Variants in RARB observed in about 807,000 individuals in gnomAD.
The protein encoded by RARB is retinoic acid receptor beta.
RARB carries 17 observed loss-of-function variants against 51.9 expected under a neutral mutation model. The ratio of observed to expected loss-of-function variants is 0.33; its 90% confidence interval spans 0.22 to 0.49. The LOEUF is 0.49. Ranked by LOEUF, RARB falls within the 20% of genes least tolerant of loss-of-function variation. The pLI is 0.99. For missense variants in RARB, 369 were observed against 550.8 expected (o/e 0.67, Z 3.30); for synonymous variants, 215 against 195.4 (o/e 1.10, Z -0.84).
At chr3:24,967,335 C>T (rs1575096053) in intron 2 of RARB, among the ~76,000 whole-genome samples, 1 of 152,146 alleles carries the variant, frequency 6.6e-6, no homozygotes, top group African/African-American at 2.4e-5. Context: ...CAGATTATCT[C>T]TCAAGGCTAC....
chr3:25,339,488 G>C (rs767707181), intron 5 of RARB, among the ~76,000 whole-genome samples: 1 of 152,054 alleles, frequency 6.6e-6, no homozygotes, highest in African/African-American at 2.4e-5. Context: ...GTGGCTGCGC[G>C]GGAGTCTCTG....
At chr3:24,868,828 A>G (rs1368708293) in intron 2 of RARB, among the ~76,000 whole-genome samples, 3 of 152,146 alleles carry the variant, frequency 2.0e-5, no homozygotes, top group African/African-American at 7.2e-5. Flanking sequence ...TCTACCCATG[A>G]CCTGGAAGTC....
intron 3 of RARB, among the ~76,000 whole-genome samples, chr3:25,085,086 C>T (rs1011791360): frequency 3.9e-5 from 6 of 152,100 alleles, no homozygotes; most frequent in Admixed American, 2.6e-4. Flanking sequence ...CAGTATAAGA[C>T]ATGCATCATT....
chr3:25,207,212 T>C (rs1202217972), intron 5 of RARB, among the ~76,000 whole-genome samples: 2 of 152,190 alleles, frequency 1.3e-5, no homozygotes, highest in Non-Finnish European at 2.9e-5. Flanking sequence ...GGAGATATAG[T>C]TCCAACTCAG....
chr3:25,485,606 A>G (rs1483811102), intron 2 of RARB, among the ~76,000 whole-genome samples: 1 of 152,266 alleles, frequency 6.6e-6, no homozygotes, highest in Admixed American at 6.5e-5. Context: ...GTATTAAATT[A>G]TATTCATTAC....
chr3:25,146,569 G>A (rs1048472495), intron 4 of RARB, among the ~76,000 whole-genome samples: 1 of 145,492 alleles, frequency 6.9e-6, no homozygotes, highest in Non-Finnish European at 1.5e-5. Flanking sequence ...GTGCAATGGC[G>A]CGATCTCGGC....
intron 5 of RARB, among the ~76,000 whole-genome samples, chr3:25,339,912 A>G (rs1347408534): frequency 6.6e-6 from 1 of 152,190 alleles, no homozygotes; most frequent in Non-Finnish European, 1.5e-5. Context: ...TGCAGTTTTT[A>G]TATTGCAATT....
At chr3:25,143,143 C>A (rs1320082796) in intron 4 of RARB, among the ~76,000 whole-genome samples, 1 of 152,050 alleles carries the variant, frequency 6.6e-6, no homozygotes, top group Non-Finnish European at 1.5e-5. Context: ...TTTTGCCATT[C>A]AGGAGCCTGT....
chr3:24,844,281 C>G (rs916841777), intron 1 of RARB, among the ~76,000 whole-genome samples: 7 of 152,118 alleles, frequency 4.6e-5, no homozygotes, highest in Non-Finnish European at 8.8e-5. Context: ...CCTGGGAGCA[C>G]TTTTTTTTCT....
chr3:24,848,417 T>G (rs1000594679), intron 1 of RARB, among the ~76,000 whole-genome samples: 1 of 152,188 alleles, frequency 6.6e-6, no homozygotes, highest in South Asian at 2.1e-4. Flanking sequence ...TTTTAACTGT[T>G]TTTTTAAATA....
At chr3:25,274,088 T>C (rs1032784912) in intron 5 of RARB, among the ~76,000 whole-genome samples, 1 of 152,184 alleles carries the variant, frequency 6.6e-6, no homozygotes, top group Non-Finnish European at 1.5e-5. Flanking sequence ...CTCTGAGACA[T>C]ATATATAATT....
intron 2 of RARB, among the ~76,000 whole-genome samples, chr3:25,018,604 G>A (rs984735378): frequency 6.6e-6 from 1 of 152,076 alleles, no homozygotes; most frequent in Non-Finnish European, 1.5e-5. Context: ...TTGAAACCGA[G>A]CCCATATGAG....
At chr3:25,240,272 G>A (rs1702399935) in intron 5 of RARB, among the ~76,000 whole-genome samples, 1 of 152,036 alleles carries the variant, frequency 6.6e-6, no homozygotes. Flanking sequence ...GTTCTCTGAA[G>A]AAAAGGACAA....
chr3:25,387,496 A>G (rs1432855287), intron 5 of RARB, among the ~76,000 whole-genome samples: 1 of 152,092 alleles, frequency 6.6e-6, no homozygotes, highest in African/African-American at 2.4e-5. Context: ...TGTGTACGCA[A>G]TCATTCCTTC....
chr3:25,452,354 C>A (rs1039271862), intron 1 of RARB, among the ~76,000 whole-genome samples: 1 of 152,118 alleles, frequency 6.6e-6, no homozygotes, highest in Non-Finnish European at 1.5e-5. Flanking sequence ...CAGCACTTCC[C>A]GTGGTAAAAG....
chr3:25,030,840 T>C (rs1697857540), intron 2 of RARB, among the ~76,000 whole-genome samples: 1 of 152,228 alleles, frequency 6.6e-6, no homozygotes, highest in Non-Finnish European at 1.5e-5. Context: ...ACCTCTTTTC[T>C]AGTTTGTCCT....
chr3:25,495,031 C>G (rs1237703301), intron 2 of RARB, among the ~76,000 whole-genome samples: 2 of 152,130 alleles, frequency 1.3e-5, no homozygotes, highest in African/African-American at 4.8e-5. Context: ...GTATAACTCA[C>G]TTAAGGTCAT....
At chr3:25,486,438 C>T (rs1286660) in intron 2 of RARB, among the ~76,000 whole-genome samples, 124,744 of 151,894 alleles carry the variant, frequency 0.82, 52,655 homozygotes, top group South Asian at 0.98. Context: ...ACTTAAGCCA[C>T]CCTACAGCCC....
At chr3:25,513,009 G>C (rs1222577414) in intron 3 of RARB, among the ~76,000 whole-genome samples, 1 of 151,960 alleles carries the variant, frequency 6.6e-6, no homozygotes, top group African/African-American at 2.4e-5. Flanking sequence ...AAAGGGTACG[G>C]CTGGGTGCGA....
Sources: allele counts gnomAD v4.1 joint callset (sites outside exome capture counted in the v4.1 genomes callset), GRCh38; gene constraint gnomAD v4.1.1; transcripts MANE v1.5; gene names NCBI Gene and HGNC (gene_info 2026-07-23, HGNC 2026-07-21).